SAMTOR: variants seen among roughly 807,000 people sequenced by gnomAD.
The protein encoded by SAMTOR is S-adenosylmethionine sensor upstream of mTORC1.
the SAMTOR span, among the ~76,000 whole-genome samples, chr7:112,930,319 A>G: frequency 2.6e-4 from 40 of 152,136 alleles, no homozygotes; most frequent in Non-Finnish European, 4.0e-4. Context: ...ACACATCTAA[A>G]AGTGGGATAA....
At chr7:112,851,672 A>G in the SAMTOR span, among the ~76,000 whole-genome samples, 499 of 152,238 alleles carry the variant, frequency 3.3e-3, 4 homozygotes, top group Middle Eastern at 3.4e-3. Flanking sequence ...TGGGACTTAA[A>G]AGCTTCTGCA....
At chr7:112,879,979 T>C in the SAMTOR span, among the ~76,000 whole-genome samples, 1 of 152,200 alleles carries the variant, frequency 6.6e-6, no homozygotes, top group Admixed American at 6.5e-5. Flanking sequence ...AAATCTTTAC[T>C]AGTTAGGGAC....
the SAMTOR span, among the ~76,000 whole-genome samples, chr7:112,918,512 C>G: frequency 6.6e-6 from 1 of 152,134 alleles, no homozygotes; most frequent in African/African-American, 2.4e-5. Flanking sequence ...TGTAAAGACC[C>G]TCAAGGCTAG....
At chr7:112,870,871 C>A in the SAMTOR span, among the ~76,000 whole-genome samples, 1 of 149,828 alleles carries the variant, frequency 6.7e-6, no homozygotes, top group Admixed American at 6.6e-5. Flanking sequence ...TAAAAAAAAA[C>A]AGGGGTCACT....
the SAMTOR span, among the ~76,000 whole-genome samples, chr7:112,853,994 A>C: frequency 3.9e-5 from 6 of 152,228 alleles, no homozygotes; most frequent in Admixed American, 3.3e-4. Flanking sequence ...TCACTTCTTG[A>C]ATTGATGACA....
At chr7:112,883,044 T>A in the SAMTOR span, among the ~76,000 whole-genome samples, 1 of 152,322 alleles carries the variant, frequency 6.6e-6, no homozygotes, top group Non-Finnish European at 1.5e-5. Context: ...AATTTCCTAT[T>A]GTCATGCAGT....
chr7:112,904,569 T>C, the SAMTOR span, among the ~76,000 whole-genome samples: 3 of 149,706 alleles, frequency 2.0e-5, no homozygotes, highest in Non-Finnish European at 3.0e-5. Context: ...AATGCTTATA[T>C]CAATACAAAC....
At chr7:112,870,219 CA>C in the SAMTOR span, among the ~76,000 whole-genome samples, 5 of 152,018 alleles carry the variant, frequency 3.3e-5, no homozygotes. Context: ...AGATACTAGA[CA>C]AAATGACCAT....
At chr7:112,927,549 G>A in the SAMTOR span, among the ~76,000 whole-genome samples, 1 of 151,830 alleles carries the variant, frequency 6.6e-6, no homozygotes, top group Admixed American at 6.6e-5. Context: ...ATTTCTTATA[G>A]GCATTCTAGA....
At chr7:112,917,204 A>T in the SAMTOR span, among the ~76,000 whole-genome samples, 1 of 152,226 alleles carries the variant, frequency 6.6e-6, no homozygotes, top group East Asian at 1.9e-4. Context: ...GGCACCCCCC[A>T]GTAGGGGCAG....
At chr7:112,900,504 T>A in the SAMTOR span, among the ~76,000 whole-genome samples, 1 of 152,188 alleles carries the variant, frequency 6.6e-6, no homozygotes, top group African/African-American at 2.4e-5. Context: ...CCAGAAATAA[T>A]GTTCGGCCAA....
the SAMTOR span, chr7:112,935,123 G>T: frequency 5.8e-6 from 2 of 347,396 alleles, no homozygotes; most frequent in Non-Finnish European, 1.1e-5. Context: ...ATCACAAAAA[G>T]CTTTCTGATT....
the SAMTOR span, among the ~76,000 whole-genome samples, chr7:112,833,513 C>T: frequency 6.6e-6 from 1 of 152,070 alleles, no homozygotes; most frequent in Non-Finnish European, 1.5e-5. Flanking sequence ...TCACTATTAC[C>T]ATGTTTTATA....
the SAMTOR span, chr7:112,821,091 A>C: frequency 6.6e-6 from 1 of 152,518 alleles, no homozygotes; most frequent in Non-Finnish European, 1.5e-5. Flanking sequence ...GGATAGGGCT[A>C]ATAAAATTAG....
the SAMTOR span, among the ~76,000 whole-genome samples, chr7:112,845,702 A>G: frequency 6.6e-6 from 1 of 152,202 alleles, no homozygotes; most frequent in Non-Finnish European, 1.5e-5. Flanking sequence ...TAAAGCAGAA[A>G]TACCATTTGA....
the SAMTOR span, among the ~76,000 whole-genome samples, chr7:112,862,923 C>CAAA: frequency 7.3e-6 from 1 of 137,636 alleles, no homozygotes; most frequent in South Asian, 2.4e-4. Context: ...CGTGAGACTC[C>CAAA]AAAAAAAAAA....
the SAMTOR span, among the ~76,000 whole-genome samples, chr7:112,916,787 T>C: frequency 6.6e-6 from 1 of 152,116 alleles, no homozygotes; most frequent in Non-Finnish European, 1.5e-5. Flanking sequence ...CAACAGGAGA[T>C]TATATCCCAC....
chr7:112,902,169 G>A, the SAMTOR span, among the ~76,000 whole-genome samples: 12 of 151,830 alleles, frequency 7.9e-5, no homozygotes, highest in African/African-American at 2.4e-4. Flanking sequence ...TTGGGAGGCC[G>A]AGGTGGGTGG....
chr7:112,824,512 A>G, the SAMTOR span, among the ~76,000 whole-genome samples: 2 of 151,780 alleles, frequency 1.3e-5, no homozygotes, highest in African/African-American at 2.4e-5. Context: ...ACAGGCACGC[A>G]CCACCATGCC....
Sources: allele counts gnomAD v4.1 joint callset (sites outside exome capture counted in the v4.1 genomes callset), GRCh38; gene constraint gnomAD v4.1.1; transcripts MANE v1.5; gene names NCBI Gene and HGNC (gene_info 2026-07-23, HGNC 2026-07-21).